The following MSH3 variants were observed in gnomAD, a reference collection of about 807,000 sequenced individuals.
MSH3 encodes mutS homolog 3, also known as DNA mismatch repair protein Msh3.
A neutral mutation model predicts 123.3 loss-of-function variants in MSH3; 106 were observed. That is an observed-to-expected ratio of 0.86 (90% confidence interval 0.73 to 1.01). The LOEUF (loss-of-function observed/expected upper bound fraction) is 1.01. Ranked by LOEUF, MSH3 falls within the 50% of genes least tolerant of loss-of-function variation. The probability of loss-of-function intolerance (pLI) is 0.00; values close to 1 mark genes in which losing one functional copy is unlikely to be tolerated. For synonymous variants in MSH3, 515 were observed against 481.4 expected (o/e 1.07, Z -0.91); for missense variants, 1,459 against 1,347.6 (o/e 1.08, Z -1.29).
chr5:80,853,029 T>A (rs1228781583), intron 20 of MSH3, among the ~76,000 whole-genome samples: 1 of 152,210 alleles, frequency 6.6e-6, no homozygotes, highest in Non-Finnish European at 1.5e-5. Flanking sequence ...TAATAATGAT[T>A]CCTTTGTTTT....
intron 19 of MSH3, among the ~76,000 whole-genome samples, chr5:80,809,498 T>C (rs1744969096): frequency 6.6e-6 from 1 of 152,128 alleles, no homozygotes; most frequent in Non-Finnish European, 1.5e-5. Context: ...ATATTTTTTC[T>C]TTTTTTCTCA....
intron 8 of MSH3, among the ~76,000 whole-genome samples, chr5:80,724,649 G>C (rs1743229101): frequency 6.6e-6 from 1 of 152,170 alleles, no homozygotes; most frequent in Non-Finnish European, 1.5e-5. Context: ...ACTTTAAAGA[G>C]TGAGAGTTAA....
intron 8 of MSH3, among the ~76,000 whole-genome samples, chr5:80,708,903 T>C (rs1428655992): frequency 6.6e-6 from 1 of 151,944 alleles, no homozygotes; most frequent in Non-Finnish European, 1.5e-5. Context: ...CCGTCTCGAA[T>C]AGCTGGGATT....
At chr5:80,827,526 C>T (rs1174140877) in intron 20 of MSH3, among the ~76,000 whole-genome samples, 2 of 152,130 alleles carry the variant, frequency 1.3e-5, no homozygotes, top group Non-Finnish European at 2.9e-5. Context: ...AAGAAAACAT[C>T]TTGAATCAGT....
intron 21 of MSH3, among the ~76,000 whole-genome samples, chr5:80,864,461 A>G (rs1357721181): frequency 6.6e-6 from 1 of 152,128 alleles, no homozygotes; most frequent in Non-Finnish European, 1.5e-5. Context: ...ATGTTATATA[A>G]TAATAATATA....
At chr5:80,801,376 C>CT in intron 19 of MSH3, among the ~76,000 whole-genome samples, 1 of 152,188 alleles carries the variant, frequency 6.6e-6, no homozygotes, top group Non-Finnish European at 1.5e-5. Context: ...AGTCTTGTGT[C>CT]TTTTTTCCTG....
intron 13 of MSH3, among the ~76,000 whole-genome samples, chr5:80,762,180 A>G (rs1467091953): frequency 1.3e-5 from 2 of 152,170 alleles, no homozygotes; most frequent in Non-Finnish European, 2.9e-5. Context: ...AGTTTGAGTC[A>G]TAGCAAAAAT....
intron 17 of MSH3, among the ~76,000 whole-genome samples, chr5:80,782,434 G>A (rs1162270761): frequency 6.6e-6 from 1 of 151,994 alleles, no homozygotes; most frequent in Non-Finnish European, 1.5e-5. Context: ...TGTATTATGT[G>A]TTATAAGTAA....
intron 20 of MSH3, among the ~76,000 whole-genome samples, chr5:80,819,263 A>C (rs1745158544): frequency 6.6e-6 from 1 of 151,990 alleles, no homozygotes; most frequent in Non-Finnish European, 1.5e-5. Context: ...TTGGCCCAAT[A>C]ATGAGATTTA....
At chr5:80,843,884 T>C (rs1467107717) in intron 20 of MSH3, among the ~76,000 whole-genome samples, 2 of 151,856 alleles carry the variant, frequency 1.3e-5, no homozygotes, top group African/African-American at 4.8e-5. Context: ...TTTTGAAGGA[T>C]TTTTTCTATC....
chr5:80,803,005 G>C (rs1744819246), intron 19 of MSH3, among the ~76,000 whole-genome samples: 1 of 152,066 alleles, frequency 6.6e-6, no homozygotes, highest in African/African-American at 2.4e-5. Context: ...TCCAGATCTT[G>C]GCTATTGTGA....
At chr5:80,809,791 CA>C (rs1744974073) in intron 19 of MSH3, among the ~76,000 whole-genome samples, 2 of 152,086 alleles carry the variant, frequency 1.3e-5, no homozygotes, top group Admixed American at 1.3e-4. Flanking sequence ...GTCCAAATAA[CA>C]AAATGTCATT....
At chr5:80,808,266 A>G (rs1394572985) in intron 19 of MSH3, among the ~76,000 whole-genome samples, 2 of 152,182 alleles carry the variant, frequency 1.3e-5, no homozygotes, top group African/African-American at 2.4e-5. Context: ...TTCCTTGTGG[A>G]CAGCTATGTG....
chr5:80,778,311 A>G lies in MSH3; in HGVS notation c.2319-409A>G, dbSNP rs186255613. On this transcript the variant is annotated intron_variant, in intron 16 of 23. Coordinates refer to ENST00000265081, the MANE Select transcript of MSH3 (RefSeq NM_002439.5). ...CTTTTTTCACTGAAATACTTCAATC[A>G]TACAGAAAAGCCCATAAAACAAAGA... 5.6e-4 allele frequency among the ~76,000 whole-genome samples: 86 copies of G among 152,298 alleles called. 1 individual carries two copies. The highest frequency in any genetic ancestry group is 2.0e-3 in the African/African-American group (84 of 41,560).
intron 13 of MSH3, among the ~76,000 whole-genome samples, chr5:80,765,338 C>G (rs1744104367): frequency 6.6e-6 from 1 of 152,078 alleles, no homozygotes; most frequent in African/African-American, 2.4e-5. Context: ...TGACTAGTGG[C>G]CAAAAAGCTT....
chr5:80,801,286 A>T (rs6151864), intron 19 of MSH3, among the ~76,000 whole-genome samples: 6 of 152,242 alleles, frequency 3.9e-5, no homozygotes, highest in Non-Finnish European at 8.8e-5. Context: ...AGCAGGAGCC[A>T]CTGCAGTCAC....
chr5:80,738,894 G>T (rs745725681), intron 10 of MSH3, among the ~76,000 whole-genome samples: 5 of 152,168 alleles, frequency 3.3e-5, no homozygotes, highest in Non-Finnish European at 5.9e-5. Flanking sequence ...TAATAGAAAA[G>T]ACTTAAAGGA....
intron 15 of MSH3, among the ~76,000 whole-genome samples, chr5:80,772,645 T>A (rs1005428958): frequency 6.6e-6 from 1 of 152,232 alleles, no homozygotes; most frequent in Admixed American, 6.5e-5. Context: ...CTAAGATTAC[T>A]GGAATGTATG....
At chr5:80,729,479 T>TAA (rs1743372684) in intron 10 of MSH3, among the ~76,000 whole-genome samples, 1 of 145,210 alleles carries the variant, frequency 6.9e-6, no homozygotes, top group Admixed American at 7.0e-5. Context: ...TATATATATA[T>TAA]AAAGAATTCT....
Sources: gnomAD v4.1 joint callset for allele counts (sites outside exome capture counted in the v4.1 genomes callset) on GRCh38, gnomAD v4.1.1 for gene constraint, MANE v1.5 for transcripts, NCBI Gene and HGNC (gene_info 2026-07-23, HGNC 2026-07-21) for gene names.